PSME4: variants seen among roughly 807,000 people sequenced by gnomAD.
PSME4 encodes the protein proteasome activator complex subunit 4.
PSME4 carries 89 observed loss-of-function variants against 253.9 expected under a neutral mutation model. That is an observed-to-expected ratio of 0.35 (90% CI 0.30 to 0.42). The LOEUF is 0.42. PSME4 is among the 10% of genes least tolerant of loss of function. PSME4 has a pLI of 1.00. For synonymous variants in PSME4, 851 were observed against 759.2 expected, an observed-to-expected ratio of 1.12 and a Z score of -1.99; for missense variants, 2,014 against 2,195.2, an observed-to-expected ratio of 0.92 and a Z score of 1.65.
intron 1 of PSME4, among the ~76,000 whole-genome samples, chr2:53,969,796 A>G (rs998493773): frequency 6.6e-6 from 1 of 152,026 alleles, no homozygotes; most frequent in South Asian, 2.1e-4. Context: ...TAACTCAAAA[A>G]ATTAACACAA....
At chr2:53,873,551 C>T (rs954453425) in intron 43 of PSME4, among the ~76,000 whole-genome samples, 1 of 152,232 alleles carries the variant, frequency 6.6e-6, no homozygotes, top group African/African-American at 2.4e-5. Context: ...TTACTGCCAA[C>T]ATGCTCTTAC....
chr2:53,887,386 A>C lies in PSME4; in HGVS notation c.4602T>G (p.Thr1534=), dbSNP rs1679688351. The C allele has an allele frequency of 6.2e-7, 1 of 1,613,844 alleles. No individual in the cohort carries two copies. Among genetic ancestry groups the C allele is most frequent in the Admixed American group, 1.7e-5 (1 of 59,984 alleles). ...PTISPHVPEF[T]ARILEKLKPL... Reference sequence around the variant, plus strand: ...GTTTCAATTTCTCCAGAATTCGAGCAGTAAACTCAGGGACATGAGGCGATA... The same window carrying C: ...GTTTCAATTTCTCCAGAATTCGAGCCGTAAACTCAGGGACATGAGGCGATA... The change falls in exon 40 of 47, where the codon ACT becomes ACG. Residue 1534 remains threonine (T), a synonymous_variant. Coordinates refer to ENST00000404125, the MANE Select transcript of PSME4 (RefSeq NM_014614.3).
At chr2:53,911,039 C>T (rs888486570) in intron 20 of PSME4, among the ~76,000 whole-genome samples, 3 of 152,142 alleles carry the variant, frequency 2.0e-5, no homozygotes, top group African/African-American at 2.4e-5. Context: ...ATCAACACAT[C>T]CCCAGCTATA....
chr2:53,875,544 G>T, intron 42 of PSME4, 83 bp downstream of exon 42: 1 of 1,318,696 alleles, frequency 7.6e-7, no homozygotes, highest in Non-Finnish European at 1.0e-6. Flanking sequence ...ACTAGGCGCT[G>T]TGTGCACTGC....
intron 1 of PSME4, 65 bp downstream of exon 1, chr2:53,970,478 C>G (rs1265872366): frequency 1.3e-6 from 2 of 1,544,848 alleles, no homozygotes; most frequent in Non-Finnish European, 1.7e-6. Context: ...CAAAGAGCAA[C>G]CATCCCCGAC....
At position 53,970,788 on chromosome 2, in the gene PSME4, C is replaced by T; in HGVS notation, c.-4G>A. On this transcript the variant is annotated 5_prime_UTR_variant, in exon 1 of 47. Coordinates refer to ENST00000404125, the MANE Select transcript of PSME4 (RefSeq NM_014614.3). ...CCGCCCGCTCGGCCGGCTCCATGAG[C>T]CCAGGGACACCCCCCCCACCCCCTC... The T allele has an allele frequency of 6.5e-7, 1 of 1,533,908 alleles. No individual in the cohort carries two copies. The highest frequency in any genetic ancestry group is 8.8e-7 in the Non-Finnish European group (1 of 1,140,826).
At chr2:53,939,183 A>C (rs1466335358) in intron 4 of PSME4, among the ~76,000 whole-genome samples, 1 of 152,198 alleles carries the variant, frequency 6.6e-6, no homozygotes, top group Admixed American at 6.5e-5. Flanking sequence ...ATTGAGTAAT[A>C]CAGAAGGTCA....
chr2:53,868,083 T>C (rs1001186018), intron 44 of PSME4, among the ~76,000 whole-genome samples: 7 of 152,162 alleles, frequency 4.6e-5, no homozygotes, highest in African/African-American at 1.2e-4. Context: ...AAAGAGAATT[T>C]GGACTGGTCA....
intron 37 of PSME4, 67 bp downstream of exon 37, chr2:53,890,037 C>T (rs1020888096): frequency 8.2e-7 from 1 of 1,225,970 alleles, no homozygotes; most frequent in Non-Finnish European, 1.2e-6. Context: ...ATTTCACACA[C>T]TTTGAGAGAC....
At chr2:53,946,996 A>G (rs1458828284) in intron 3 of PSME4, among the ~76,000 whole-genome samples, 2 of 152,210 alleles carry the variant, frequency 1.3e-5, no homozygotes, top group Non-Finnish European at 2.9e-5. Flanking sequence ...TACTTGCACA[A>G]TGCACTATTC....
intron 2 of PSME4, among the ~76,000 whole-genome samples, 170 bp downstream of exon 2, chr2:53,948,973 T>C (rs1020918987): frequency 6.6e-6 from 1 of 152,214 alleles, no homozygotes; most frequent in African/African-American, 2.4e-5. Flanking sequence ...GAATTTTAAC[T>C]AAAAGGTTAA....
In PSME4 at chr2:53,893,563, A is replaced by G. The variant is rs115835140; in HGVS notation, c.4038+111T>C. On this transcript the variant is annotated intron_variant, in intron 35 of 46. Coordinates refer to ENST00000404125, the MANE Select transcript of PSME4 (RefSeq NM_014614.3). The stretch of plus-strand genomic sequence containing the variant: ...CATGTTCAGTGTAAATTCCAGTGCC[A>G]TTTTAGATCAAGGCAGATGGCTAGC... 7.2e-4 allele frequency: 1,110 copies of G among 1,542,178 alleles called. 3 individuals are homozygous for G. The African/African-American group carries it at 0.014, about 19-fold the overall frequency.
chr2:53,969,305 G>A (rs1409549648), intron 1 of PSME4, among the ~76,000 whole-genome samples: 2 of 152,148 alleles, frequency 1.3e-5, no homozygotes, highest in Non-Finnish European at 2.9e-5. Flanking sequence ...TCTGAAGAGG[G>A]CAAATTACAT....
In PSME4 at chr2:53,901,453, A is replaced by T; in HGVS notation, c.3182T>A (p.Leu1061His). 1 of 1,614,126 alleles carries T rather than the reference A, an allele frequency of 6.2e-7. No homozygotes were observed. Among genetic ancestry groups the T allele is most frequent in the Non-Finnish European group, 8.5e-7 (1 of 1,179,968 alleles). The change falls in exon 28 of 47, where the codon CTT (leucine) becomes CAT (histidine). Residue 1061 changes from leucine to histidine, a missense_variant. Physicochemically the swap from Leu to His is moderately conservative, Grantham distance 99. Transcript: ENST00000404125. The stretch of plus-strand genomic sequence containing the variant: ...CTTTTCCAGGGACATTGCTTGGCTA[A>T]GCCCTGAAGAAACAATCGCTGGCCA... ...QTWPAIVSSG[L>H]SQAMSLEKPS...
intron 43 of PSME4, among the ~76,000 whole-genome samples, chr2:53,873,120 G>C (rs927329200): frequency 1.5e-4 from 23 of 151,604 alleles, no homozygotes; most frequent in African/African-American, 4.8e-4. Flanking sequence ...GGCGCCTGTG[G>C]TCCCAGCTAC....
At chr2:53,881,780 C>T (rs1194811346) in intron 41 of PSME4, among the ~76,000 whole-genome samples, 2 of 152,076 alleles carry the variant, frequency 1.3e-5, no homozygotes, top group African/African-American at 2.4e-5. Context: ...GATGGGGTTT[C>T]ACCATGTGGT....
chr2:53,962,658 A>G (rs571093436), intron 1 of PSME4, among the ~76,000 whole-genome samples: 55 of 152,158 alleles, frequency 3.6e-4, no homozygotes, highest in Admixed American at 5.2e-4. Flanking sequence ...ATTTTCTTCA[A>G]TGTTTTTGAT....
At position 53,904,035 on chromosome 2, in the gene PSME4, T is replaced by G; in HGVS notation, c.3065A>C (p.Gln1022Pro). The G allele has an allele frequency of 1.2e-6, 2 of 1,607,678 alleles. No individual in the cohort carries two copies. The highest frequency in any genetic ancestry group is 8.5e-7 in the Non-Finnish European group (1 of 1,177,976). Residue 1022 changes from glutamine (Q) to proline (P), a missense_variant, in exon 27 of 47, where the codon CAA becomes CCA. Gln to Pro is a moderately conservative substitution (Grantham distance 76, BLOSUM62 -1). Transcript: ENST00000404125. ...LRPDRQGVTQ[Q>P]QFKGALYCLL... ...AAAAAAACCCTATACCTTGAATTGTTGCTGTGTAACACCTTGTCTATCAGG... is the reference window on the plus strand; with the variant it reads ...AAAAAAACCCTATACCTTGAATTGTGGCTGTGTAACACCTTGTCTATCAGG...
Position 53,896,765 on chromosome 2 carries a change from T to C in PSME4, c.3688+39A>G, listed in dbSNP as rs773685539. The C allele has an allele frequency of 4.0e-6, 6 of 1,496,706 alleles. No homozygotes were observed. In the African/African-American group the frequency reaches 6.9e-5, roughly 17 times the overall value. 92.7% of individuals were successfully genotyped at this position (1,496,706 alleles called of 1,614,324 possible). A position where few individuals can be genotyped will look rare whatever the true frequency, so the allele number is the denominator to read the frequency against. ...CATGTCAAGAAAATTTTCTGAGTTT[T>C]ATTGGAAAGCACTATTAATTACTTC... On this transcript the variant is annotated intron_variant, in intron 32 of 46. Coordinates refer to ENST00000404125, the MANE Select transcript of PSME4 (RefSeq NM_014614.3).
Sources: allele counts gnomAD v4.1 joint callset (sites outside exome capture counted in the v4.1 genomes callset), GRCh38; gene constraint gnomAD v4.1.1; transcripts MANE v1.5; gene names NCBI Gene and HGNC (gene_info 2026-07-23, HGNC 2026-07-21).